HMG20A: variants seen among roughly 807,000 people sequenced by gnomAD.
The protein encoded by HMG20A is high mobility group protein 20A.
In HMG20A, 17 loss-of-function variants were observed where a neutral mutation model predicts 43.9. The ratio of observed to expected loss-of-function variants is 0.39; its 90% CI spans 0.27 to 0.58. The LOEUF (loss-of-function observed/expected upper bound fraction) is 0.58, where lower values mean the gene tolerates loss of function less well. Among genes scored for constraint, HMG20A ranks in the 20% least tolerant of loss-of-function variants. The probability of loss-of-function intolerance (pLI) is 0.59; values close to 1 mark genes in which losing one functional copy is unlikely to be tolerated. For missense variants in HMG20A, 341 were observed against 438.2 expected, an observed-to-expected ratio of 0.78 and a Z score of 1.98; for synonymous variants, 132 against 147.5, an observed-to-expected ratio of 0.89 and a Z score of 0.76.
intron 6 of HMG20A, among the ~76,000 whole-genome samples, 178 bp downstream of exon 6, chr15:77,471,992 G>A (rs1452339318): frequency 1.3e-5 from 2 of 151,634 alleles, no homozygotes; most frequent in African/African-American, 4.8e-5. Context: ...CTTACGTTGT[G>A]TGTCTGTCAT....
intron 1 of HMG20A, among the ~76,000 whole-genome samples, chr15:77,450,651 A>T (rs2073726620): frequency 6.6e-6 from 1 of 152,236 alleles, no homozygotes; most frequent in Non-Finnish European, 1.5e-5. Flanking sequence ...CAATGAAAAA[A>T]TAATGTGTTC....
chr15:77,455,694 AT>A (rs1402925332), intron 1 of HMG20A, among the ~76,000 whole-genome samples: 2 of 152,174 alleles, frequency 1.3e-5, no homozygotes, highest in Non-Finnish European at 2.9e-5. Context: ...AGCAGCATTC[AT>A]TACATTTCTT....
At chr15:77,516,690 G>A in the HMG20A span, among the ~76,000 whole-genome samples, 4 of 152,086 alleles carry the variant, frequency 2.6e-5, no homozygotes, top group Non-Finnish European at 5.9e-5. Context: ...TCCACCCCGA[G>A]GCTTTGCGAA....
At chr15:77,451,136 A>T (rs2073732051) in intron 1 of HMG20A, among the ~76,000 whole-genome samples, 1 of 152,194 alleles carries the variant, frequency 6.6e-6, no homozygotes, top group Non-Finnish European at 1.5e-5. Context: ...TATTATCTGA[A>T]TGTATCACAG....
intron 1 of HMG20A, among the ~76,000 whole-genome samples, chr15:77,427,834 C>T (rs2073442190): frequency 6.6e-6 from 1 of 152,168 alleles, no homozygotes; most frequent in East Asian, 1.9e-4. Flanking sequence ...GTGCTAGGCA[C>T]TACATGTTAT....
the HMG20A span, among the ~76,000 whole-genome samples, chr15:77,501,983 C>T: frequency 3.9e-5 from 6 of 152,122 alleles, no homozygotes; most frequent in African/African-American, 1.4e-4. Flanking sequence ...TCATCTCGCC[C>T]CTAGATCAGA....
chr15:77,441,826 C>A (rs2073616220), intron 1 of HMG20A, among the ~76,000 whole-genome samples: 1 of 152,078 alleles, frequency 6.6e-6, no homozygotes, highest in South Asian at 2.1e-4. Context: ...TTACTAAACA[C>A]CCAGGGCCAA....
intron 1 of HMG20A, among the ~76,000 whole-genome samples, chr15:77,454,024 A>G (rs1178366419): frequency 6.6e-6 from 1 of 151,198 alleles, no homozygotes. Context: ...AAAAAAAATT[A>G]AAAATTAGCC....
intron 1 of HMG20A, among the ~76,000 whole-genome samples, chr15:77,446,806 C>CA (rs77491209): frequency 0.022 from 1,655 of 74,498 alleles, 20 homozygotes; most frequent in African/African-American, 0.049. Context: ...GACTCCGTCT[C>CA]AAAAAAAAAA....
chr15:77,440,286 A>G (rs900569729), intron 1 of HMG20A, among the ~76,000 whole-genome samples: 3 of 152,186 alleles, frequency 2.0e-5, no homozygotes, highest in African/African-American at 7.2e-5. Context: ...TAGACCAACA[A>G]TTCTTAAATT....
At chr15:77,482,563 C>T (rs2072914207) in intron 9 of HMG20A, 1 of 152,164 alleles carries the variant, frequency 6.6e-6, no homozygotes, top group Non-Finnish European at 1.5e-5. Context: ...CATAATACAT[C>T]TCTATACATG....
At chr15:77,481,773 G>A (rs2072907298) in intron 9 of HMG20A, among the ~76,000 whole-genome samples, 1 of 152,072 alleles carries the variant, frequency 6.6e-6, no homozygotes, top group African/African-American at 2.4e-5. Flanking sequence ...AACAATAGAT[G>A]GTTCCCCACA....
downstream of HMG20A, among the ~76,000 whole-genome samples, chr15:77,486,556 G>A (rs1299780075): frequency 2.0e-5 from 3 of 152,160 alleles, no homozygotes; most frequent in Non-Finnish European, 4.4e-5. Context: ...ACCACGCCCA[G>A]CCAAATGCTT....
intron 2 of HMG20A, among the ~76,000 whole-genome samples, chr15:77,459,241 C>A (rs2072683906): frequency 6.6e-6 from 1 of 152,136 alleles, no homozygotes; most frequent in Non-Finnish European, 1.5e-5. Context: ...CGCCTTTGAC[C>A]TCACTACTCA....
the HMG20A span, among the ~76,000 whole-genome samples, chr15:77,497,680 A>AGTGT: frequency 7.7e-6 from 1 of 129,814 alleles, no homozygotes; most frequent in African/African-American, 3.0e-5. Flanking sequence ...AGAGAGAGAG[A>AGTGT]GAGTGTGTGT....
chr15:77,422,327 A>G (rs1282024392), intron 1 of HMG20A, among the ~76,000 whole-genome samples: 3 of 152,182 alleles, frequency 2.0e-5, no homozygotes, highest in Admixed American at 2.0e-4. Context: ...TAATTCTATA[A>G]TAGTTTTTTT....
chr15:77,467,055 T>C (rs773388209), intron 3 of HMG20A, 40 bp from the exon 4 acceptor site: 2 of 1,528,262 alleles, frequency 1.3e-6, no homozygotes, highest in Admixed American at 1.8e-5. Flanking sequence ...GAGATGGTTG[T>C]TGTTTGGTTT....
chr15:77,437,949 T>C (rs2073567431), intron 1 of HMG20A, among the ~76,000 whole-genome samples: 1 of 151,808 alleles, frequency 6.6e-6, no homozygotes, highest in Admixed American at 6.6e-5. Context: ...TGTCTTCTTT[T>C]CTAGAACTGC....
In HMG20A at chr15:77,464,253, G is replaced by A; in HGVS notation, c.103G>A (p.Glu35Lys). The change falls in exon 3 of 10, where the codon GAG becomes AAG. Residue 35 changes from glutamate to lysine, a missense_variant. Glu to Lys is a moderately conservative substitution (Grantham distance 56). Transcript: ENST00000336216. The part of the protein sequence containing the change: ...DLATTGLNHP[E>K]VPYSSGATSS... ...CCTATTATTCAGGTTAAATCACCCA[G>A]AGGTTCCATACAGTAGTGGCGCCAC... is the stretch of plus-strand genomic sequence containing the variant. 1 of 1,613,732 alleles carries A rather than the reference G, an allele frequency of 6.2e-7. No homozygotes were observed. Among genetic ancestry groups the A allele is most frequent in the Non-Finnish European group, 8.5e-7 (1 of 1,179,734 alleles).
Sources: gnomAD v4.1 joint callset for allele counts (sites outside exome capture counted in the v4.1 genomes callset) on GRCh38, gnomAD v4.1.1 for gene constraint, MANE v1.5 for transcripts, NCBI Gene and HGNC (gene_info 2026-07-23, HGNC 2026-07-21) for gene names.